PCDHGA2: variants seen among roughly 807,000 people sequenced by gnomAD.
PCDHGA2 encodes protocadherin gamma-A2.
A neutral mutation model predicts 59.2 loss-of-function variants in PCDHGA2; 40 were observed. The observed-to-expected ratio is 0.68, with a 90% CI of 0.52 to 0.88. The LOEUF (loss-of-function observed/expected upper bound fraction) is 0.88, where lower values mean the gene tolerates loss of function less well. PCDHGA2 is among the 40% of genes least tolerant of loss of function. The pLI is 0.00. For synonymous variants in PCDHGA2, 560 were observed against 526.0 expected (o/e 1.06, Z -0.89); for missense variants, 1,226 against 1,204.0 (o/e 1.02, Z -0.27).
At chr5:141,438,635 TACAC>T (rs56854727) in intron 1 of PCDHGA2, among the ~76,000 whole-genome samples, 720 of 33,094 alleles carry the variant, frequency 0.022, 7 homozygotes, top group Middle Eastern at 0.05. Context: ...TATATATATA[TACAC>T]ACACACACAC....
intron 2 of PCDHGA2, among the ~76,000 whole-genome samples, chr5:141,503,448 C>T (rs765046868): frequency 2.0e-5 from 3 of 151,808 alleles, no homozygotes; most frequent in South Asian, 2.1e-4. Context: ...TACAAAAATT[C>T]GCTGGGCATG....
At chr5:141,363,356 T>C (rs1167881605) in intron 1 of PCDHGA2, among the ~76,000 whole-genome samples, 3 of 152,250 alleles carry the variant, frequency 2.0e-5, no homozygotes, top group Non-Finnish European at 4.4e-5. Context: ...GAAATGTCCA[T>C]TTTTTTCAAT....
intron 2 of PCDHGA2, among the ~76,000 whole-genome samples, chr5:141,504,008 C>G (rs2099835164): frequency 6.6e-6 from 1 of 152,208 alleles, no homozygotes; most frequent in South Asian, 2.1e-4. Flanking sequence ...ACTTAACTGT[C>G]TCTGCTGGTC....
intron 1 of PCDHGA2, among the ~76,000 whole-genome samples, chr5:141,406,837 CA>C (rs1174898109): frequency 6.6e-6 from 1 of 152,170 alleles, no homozygotes; most frequent in Non-Finnish European, 1.5e-5. Flanking sequence ...ACTTGCATAT[CA>C]GATATAATTT....
chr5:141,355,238 T>G, intron 1 of PCDHGA2: 1 of 1,612,564 alleles, frequency 6.2e-7, no homozygotes, highest in Non-Finnish European at 8.5e-7. Flanking sequence ...CACACCCGGC[T>G]GCTCCAGATC....
chr5:141,380,878 G>C (rs1776818511), intron 1 of PCDHGA2, among the ~76,000 whole-genome samples: 1 of 152,198 alleles, frequency 6.6e-6, no homozygotes, highest in African/African-American at 2.4e-5. Flanking sequence ...CTCCAAACAT[G>C]AAAGTTTGTT....
chr5:141,358,939 G>T (rs980584338), intron 1 of PCDHGA2, among the ~76,000 whole-genome samples: 1 of 152,226 alleles, frequency 6.6e-6, no homozygotes, highest in South Asian at 2.1e-4. Flanking sequence ...CAACACTTTT[G>T]TTCTTTGTGC....
intron 2 of PCDHGA2, among the ~76,000 whole-genome samples, chr5:141,501,166 C>T (rs1443045812): frequency 6.6e-6 from 1 of 152,154 alleles, no homozygotes; most frequent in African/African-American, 2.4e-5. Flanking sequence ...CATCCCCAGC[C>T]TCATTTACAT....
chr5:141,443,029 C>A (rs1281303741), intron 1 of PCDHGA2, among the ~76,000 whole-genome samples: 1 of 152,192 alleles, frequency 6.6e-6, no homozygotes, highest in Admixed American at 6.5e-5. Flanking sequence ...AGTTGCCAGA[C>A]CTAAACTTTG....
chr5:141,364,815 T>C, intron 1 of PCDHGA2: 1 of 1,613,998 alleles, frequency 6.2e-7, no homozygotes, highest in South Asian at 1.1e-5. Context: ...GATGCGGATG[T>C]GGGTGTGAAC....
chr5:141,469,036 G>T (rs1396748159), intron 1 of PCDHGA2, among the ~76,000 whole-genome samples: 2 of 152,076 alleles, frequency 1.3e-5, no homozygotes, highest in Non-Finnish European at 2.9e-5. Flanking sequence ...CAGCACTTTG[G>T]GAGGCCAAGG....
In PCDHGA2 at chr5:141,486,440, A is replaced by G; in HGVS notation, c.2425-8367A>G. 6.2e-7 allele frequency: 1 copy of G among 1,614,114 alleles called. No individual in the cohort carries two copies. The highest frequency in any genetic ancestry group is 8.5e-7 in the Non-Finnish European group (1 of 1,179,936). On this transcript the variant is annotated intron_variant, in intron 1 of 3. Coordinates refer to ENST00000394576, the MANE Select transcript of PCDHGA2 (RefSeq NM_018915.4). This position sits in a 1 kb window ranked among gnomAD's most constrained non-coding sequence, Gnocchi z 5.0. ...TCGAGAGGCCAAATCTAGCTATGACATCATGGTCACTGCTTCTGATGCTGG... is the reference window on the plus strand; with the variant it reads ...TCGAGAGGCCAAATCTAGCTATGACGTCATGGTCACTGCTTCTGATGCTGG...
intron 1 of PCDHGA2, chr5:141,405,047 G>C: frequency 1.2e-6 from 2 of 1,613,944 alleles, no homozygotes; most frequent in Non-Finnish European, 1.7e-6. Flanking sequence ...GGCTGTGGCA[G>C]TCGTCTCCTG....
At chr5:141,438,591 CATATATAT>C (rs946798767) in intron 1 of PCDHGA2, among the ~76,000 whole-genome samples, 35 of 75,562 alleles carry the variant, frequency 4.6e-4, no homozygotes, top group South Asian at 1.0e-3. Flanking sequence ...TACATACATA[CATATATAT>C]ATATATATAT....
intron 1 of PCDHGA2, chr5:141,410,318 G>A: frequency 6.2e-7 from 1 of 1,613,982 alleles, no homozygotes; most frequent in Non-Finnish European, 8.5e-7. Flanking sequence ...CTTCCTCCTC[G>A]CCGTGATTCT....
At chr5:141,420,077 C>A (rs760626443) in intron 1 of PCDHGA2, 1 of 1,613,900 alleles carries the variant, frequency 6.2e-7, no homozygotes, top group Non-Finnish European at 8.5e-7. Context: ...ACCTGTGGGT[C>A]CCCCCAACTA....
chr5:141,500,340 C>T (rs188966393), intron 2 of PCDHGA2, among the ~76,000 whole-genome samples: 1 of 151,950 alleles, frequency 6.6e-6, no homozygotes, highest in East Asian at 1.9e-4. Flanking sequence ...TCCAGAATAG[C>T]TGGGACTACA....
At chr5:141,397,241 A>G (rs907539043) in intron 1 of PCDHGA2, among the ~76,000 whole-genome samples, 1 of 152,232 alleles carries the variant, frequency 6.6e-6, no homozygotes, top group Admixed American at 6.5e-5. Context: ...AGAGCAACGT[A>G]GTAGGGTATA....
At chr5:141,413,993 G>A (rs756042576) in intron 1 of PCDHGA2, 2 of 1,613,486 alleles carry the variant, frequency 1.2e-6, no homozygotes, top group Non-Finnish European at 1.7e-6. Context: ...GCCACCGACA[G>A]GGACGAAGGT....
Sources: allele counts gnomAD v4.1 joint callset (sites outside exome capture counted in the v4.1 genomes callset), GRCh38; gene constraint gnomAD v4.1.1; non-coding constraint Gnocchi (gnomAD v3.1); transcripts MANE v1.5; gene names NCBI Gene and HGNC (gene_info 2026-07-23, HGNC 2026-07-21).